NRXN3: variants seen among roughly 807,000 people sequenced by gnomAD.
NRXN3 encodes the protein neurexin III.
NRXN3 carries 32 observed loss-of-function variants against 137.6 expected under a neutral mutation model. The observed-to-expected ratio is 0.23, with a 90% CI of 0.18 to 0.31. The LOEUF is 0.31. Ranked by LOEUF, NRXN3 falls within the 10% of genes least tolerant of loss-of-function variation. The pLI is 1.00. For synonymous variants in NRXN3, 798 were observed against 784.5 expected, an observed-to-expected ratio of 1.02 and a Z score of -0.29; for missense variants, 1,574 against 2,062.5, an observed-to-expected ratio of 0.76 and a Z score of 4.59.
chr14:79,263,167 C>T (rs1350002104), intron 15 of NRXN3, among the ~76,000 whole-genome samples: 1 of 152,270 alleles, frequency 6.6e-6, no homozygotes, highest in East Asian at 1.9e-4. Context: ...GGGTCTTGAA[C>T]ACATCCTTTA....
intron 19 of NRXN3, among the ~76,000 whole-genome samples, chr14:79,776,665 C>T (rs892758953): frequency 7.9e-5 from 12 of 152,152 alleles, no homozygotes; most frequent in African/African-American, 2.7e-4. Context: ...TCTGCCTTGA[C>T]ATAGATGCTT....
At chr14:78,598,558 G>A (rs991201860) in intron 4 of NRXN3, among the ~76,000 whole-genome samples, 6 of 152,184 alleles carry the variant, frequency 3.9e-5, no homozygotes, top group Non-Finnish European at 2.9e-5. Flanking sequence ...GTCTGCTCTC[G>A]CAGTCACACA....
intron 4 of NRXN3, among the ~76,000 whole-genome samples, chr14:78,458,926 G>C (rs2094836405): frequency 6.6e-6 from 1 of 152,204 alleles, no homozygotes; most frequent in South Asian, 2.1e-4. Context: ...CATCAGAATA[G>C]ATACAGTCTG....
chr14:79,834,441 T>C lies in NRXN3; in HGVS notation c.4094-26901T>C, dbSNP rs201660013. Among the ~76,000 whole-genome samples, 14 of 152,278 alleles carry C rather than the reference T, an allele frequency of 9.2e-5. No individual in the cohort carries two copies. In the East Asian group the frequency reaches 1.5e-3, roughly 17 times the overall value. On this transcript the variant is annotated intron_variant, in intron 20 of 20. Transcript: ENST00000335750. ...GGCCAGGTTATTTTAATCTTTCCAT[T>C]TCTCACACCAACCATTTAACTAGGT...
intron 19 of NRXN3, among the ~76,000 whole-genome samples, chr14:79,715,020 C>T (rs914726396): frequency 2.6e-5 from 4 of 152,106 alleles, no homozygotes; most frequent in African/African-American, 9.7e-5. Context: ...GTGGCGTGAT[C>T]GGGGCTCACT....
chr14:79,809,373 A>T (rs1414625414), intron 20 of NRXN3, among the ~76,000 whole-genome samples: 1 of 152,202 alleles, frequency 6.6e-6, no homozygotes, highest in African/African-American at 2.4e-5. Flanking sequence ...TCCTGGGCTC[A>T]AGTGATCCAT....
At chr14:79,354,202 T>C (rs947349730) in intron 15 of NRXN3, among the ~76,000 whole-genome samples, 1 of 152,094 alleles carries the variant, frequency 6.6e-6, no homozygotes, top group African/African-American at 2.4e-5. Flanking sequence ...TCCCTTTGCG[T>C]GAAATGACTT....
chr14:79,656,087 A>T (rs2153978425), intron 16 of NRXN3, among the ~76,000 whole-genome samples: 1 of 152,320 alleles, frequency 6.6e-6, no homozygotes, highest in South Asian at 2.1e-4. Context: ...TTCTGGAAAA[A>T]TTCCAGATGA....
chr14:78,787,048 A>T (rs1482385024), intron 8 of NRXN3, among the ~76,000 whole-genome samples: 1 of 152,178 alleles, frequency 6.6e-6, no homozygotes, highest in Non-Finnish European at 1.5e-5. Flanking sequence ...ATTTTACTTT[A>T]ATCAGTTTAT....
At chr14:78,435,708 C>G (rs1410995736) in intron 4 of NRXN3, among the ~76,000 whole-genome samples, 1 of 152,134 alleles carries the variant, frequency 6.6e-6, no homozygotes, top group Non-Finnish European at 1.5e-5. Context: ...TAATTCATTG[C>G]CAGGCAAAGA....
chr14:79,522,962 C>A (rs1432303274), intron 16 of NRXN3, among the ~76,000 whole-genome samples: 3 of 148,876 alleles, frequency 2.0e-5, no homozygotes. Context: ...ATAACCAACT[C>A]CCTTCTCAAT....
intron 16 of NRXN3, among the ~76,000 whole-genome samples, chr14:79,524,020 A>G (rs2097095381): frequency 6.6e-6 from 1 of 152,222 alleles, no homozygotes; most frequent in Non-Finnish European, 1.5e-5. Flanking sequence ...GATAGGAAGC[A>G]TACCCTGTTT....
At chr14:79,517,099 C>CCG (rs1555499636) in intron 16 of NRXN3, among the ~76,000 whole-genome samples, 3 of 96,918 alleles carry the variant, frequency 3.1e-5, no homozygotes, top group African/African-American at 5.4e-5. Context: ...ACAGCCCCCC[C>CCG]CCCCTCAACG....
chr14:79,073,441 T>G (rs2099690969), intron 15 of NRXN3, among the ~76,000 whole-genome samples: 1 of 152,156 alleles, frequency 6.6e-6, no homozygotes, highest in Admixed American at 6.5e-5. Context: ...CACATTGCAT[T>G]GTGCCATGTA....
intron 4 of NRXN3, among the ~76,000 whole-genome samples, chr14:78,535,702 G>A (rs992865507): frequency 7.2e-5 from 11 of 152,066 alleles, no homozygotes; most frequent in African/African-American, 1.7e-4. Context: ...TCCTGTATTC[G>A]TTTCTTACTG....
rs551492810 is a variant in NRXN3, at chr14:79,344,969, C to T, written c.3263-122252C>T. On this transcript the variant is annotated intron_variant, in intron 15 of 20. Coordinates refer to ENST00000335750, the MANE Select transcript of NRXN3 (RefSeq NM_001330195.2). ...GTGAACTATGTGATTATATCTTATT[C>T]TGAATATCAACTGTAAGAAGCAGAT... 1.6e-4 allele frequency among the ~76,000 whole-genome samples: 24 copies of T among 152,220 alleles called. No individual in the cohort carries two copies. The South Asian group carries it at 4.8e-3, about 30-fold the overall frequency.
chr14:79,088,641 G>GT (rs1568249091), intron 15 of NRXN3, among the ~76,000 whole-genome samples: 10 of 152,076 alleles, frequency 6.6e-5, no homozygotes, highest in Non-Finnish European at 8.8e-5. Context: ...GATTAGGTTA[G>GT]AATATATTCA....
At chr14:78,645,684 G>A (rs931959983) in intron 5 of NRXN3, among the ~76,000 whole-genome samples, 1 of 150,810 alleles carries the variant, frequency 6.6e-6, no homozygotes, top group African/African-American at 2.4e-5. Context: ...AAAGTTGTAA[G>A]TACTTTCATT....
At chr14:79,680,285 G>A (rs2098663234) in intron 17 of NRXN3, among the ~76,000 whole-genome samples, 1 of 152,110 alleles carries the variant, frequency 6.6e-6, no homozygotes, top group Non-Finnish European at 1.5e-5. Flanking sequence ...TGAGGCAGGG[G>A]AAGGCGGGAA....
Sources: allele counts gnomAD v4.1 joint callset (sites outside exome capture counted in the v4.1 genomes callset), GRCh38; gene constraint gnomAD v4.1.1; transcripts MANE v1.5; gene names NCBI Gene and HGNC (gene_info 2026-07-23, HGNC 2026-07-21).